Variants in GSKIP observed in about 807,000 individuals in gnomAD.
GSKIP encodes GSK3B interacting protein, also known as GSK3B-interacting protein.
Under a neutral mutation model 11.9 loss-of-function variants are expected in GSKIP, and 5 were observed. The observed-to-expected ratio is 0.42, with a 90% CI of 0.22 to 0.89. The LOEUF (loss-of-function observed/expected upper bound fraction) is 0.89, where lower values mean the gene tolerates loss of function less well. Among genes scored for constraint, GSKIP ranks in the 40% least tolerant of loss-of-function variants. The pLI is 0.29. For missense variants in GSKIP, 150 were observed against 166.6 expected (o/e 0.90, Z 0.55); for synonymous variants, 70 against 62.9 (o/e 1.11, Z -0.54).
intron 2 of GSKIP, 34 bp from the exon 3 acceptor site, chr14:96,382,213 C>T: frequency 1.3e-6 from 2 of 1,488,800 alleles, no homozygotes; most frequent in Non-Finnish European, 1.8e-6. Flanking sequence ...TTTCTATAAA[C>T]AAATTTTATA....
At chr14:96,385,015 A>G (rs995557776) in intron 3 of GSKIP, among the ~76,000 whole-genome samples, 4 of 152,136 alleles carry the variant, frequency 2.6e-5, no homozygotes, top group Non-Finnish European at 5.9e-5. Context: ...TATTAAAACT[A>G]AATTATTAGG....
chr14:96,384,104 A>G (rs1889423019), intron 3 of GSKIP, among the ~76,000 whole-genome samples: 1 of 152,238 alleles, frequency 6.6e-6, no homozygotes, highest in Admixed American at 6.5e-5. Context: ...TGTATGATAC[A>G]GAAAGATCTG....
At chr14:96,378,732 C>G (rs567222273) in intron 1 of GSKIP, among the ~76,000 whole-genome samples, 1 of 152,240 alleles carries the variant, frequency 6.6e-6, no homozygotes, top group African/African-American at 2.4e-5. Context: ...ACCTTTTTAC[C>G]TTCATAGGGC....
intron 2 of GSKIP, among the ~76,000 whole-genome samples, chr14:96,381,599 C>T (rs1168614930): frequency 1.3e-5 from 2 of 152,164 alleles, no homozygotes; most frequent in African/African-American, 4.8e-5. Flanking sequence ...AGATTTATTT[C>T]CATTTCTGCT....
chr14:96,385,790 T>G lies in GSKIP; in HGVS notation c.*106T>G. 1 of 845,844 alleles carries G rather than the reference T, an allele frequency of 1.2e-6. No individual in the cohort carries two copies. Among genetic ancestry groups the G allele is most frequent in the Non-Finnish European group, 1.8e-6 (1 of 556,604 alleles). 52.4% of individuals were successfully genotyped at this position (845,844 alleles called of 1,614,324 possible). On this transcript the variant is annotated 3_prime_UTR_variant, in exon 4 of 4. Coordinates refer to ENST00000555181, the MANE Select transcript of GSKIP (RefSeq NM_016472.5). Reference sequence around the variant, plus strand: ...AAAATGCATCTTTGGTTTTGTGTTTTTATCACTTGCTTCCAACTTAGGCTT... The same window carrying G: ...AAAATGCATCTTTGGTTTTGTGTTTGTATCACTTGCTTCCAACTTAGGCTT...
At chr14:96,370,080 A>G (rs1889002416) in intron 1 of GSKIP, among the ~76,000 whole-genome samples, 1 of 152,182 alleles carries the variant, frequency 6.6e-6, no homozygotes, top group African/African-American at 2.4e-5. Flanking sequence ...TGAAGGTTTA[A>G]TGTCTGCCCT....
intron 1 of GSKIP, among the ~76,000 whole-genome samples, chr14:96,377,619 T>C (rs1177204863): frequency 6.6e-6 from 1 of 152,238 alleles, no homozygotes; most frequent in Admixed American, 6.5e-5. Flanking sequence ...GCTCAAAATA[T>C]TTTTACCTTC....
intron 1 of GSKIP, chr14:96,364,424 C>T (rs1888806461): frequency 6.6e-6 from 1 of 152,164 alleles, no homozygotes; most frequent in African/African-American, 2.4e-5. Context: ...AGGGCACGAA[C>T]CTGAACAGAG....
intron 1 of GSKIP, among the ~76,000 whole-genome samples, chr14:96,374,934 A>C (rs1390045700): frequency 1.3e-5 from 2 of 151,774 alleles, no homozygotes; most frequent in Non-Finnish European, 2.9e-5. Flanking sequence ...ATATAAAAAG[A>C]CTTATCTAAT....
chr14:96,363,740 C>T (rs1444256302), intron 1 of GSKIP, 172 bp downstream of exon 1: 1 of 152,306 alleles, frequency 6.6e-6, no homozygotes, highest in African/African-American at 2.4e-5. Flanking sequence ...TAAGAGGGGT[C>T]TGGGGGCCGG....
At chr14:96,372,456 C>G (rs73365114) in intron 1 of GSKIP, among the ~76,000 whole-genome samples, 123 of 152,332 alleles carry the variant, frequency 8.1e-4, no homozygotes, top group African/African-American at 2.9e-3. Context: ...GATACACAAT[C>G]CTGAAATAGG....
chr14:96,364,231 G>A (rs537121917), intron 1 of GSKIP: 2 of 152,354 alleles, frequency 1.3e-5, no homozygotes, highest in South Asian at 4.1e-4. Context: ...GCCTGGGTGC[G>A]GGTGTTCTAT....
chr14:96,367,693 G>C (rs1595344704), intron 1 of GSKIP, among the ~76,000 whole-genome samples: 1 of 152,296 alleles, frequency 6.6e-6, no homozygotes, highest in East Asian at 1.9e-4. Context: ...AGTAATCAAT[G>C]TCATAATAAC....
intron 1 of GSKIP, among the ~76,000 whole-genome samples, chr14:96,370,689 A>C (rs1244291196): frequency 6.6e-6 from 1 of 152,058 alleles, no homozygotes; most frequent in African/African-American, 2.4e-5. Context: ...ACCCTTTCTG[A>C]CTGTGTGATC....
chr14:96,378,468 A>G (rs539560659), intron 1 of GSKIP, among the ~76,000 whole-genome samples: 1 of 152,370 alleles, frequency 6.6e-6, no homozygotes, highest in East Asian at 1.9e-4. Context: ...GTAAGGAAAC[A>G]GATTCCTTCC....
At chr14:96,381,100 C>T (rs187251901) in intron 2 of GSKIP, among the ~76,000 whole-genome samples, 1 of 152,192 alleles carries the variant, frequency 6.6e-6, no homozygotes, top group Non-Finnish European at 1.5e-5. Flanking sequence ...CAATAGCTCA[C>T]CATAACTTGT....
intron 3 of GSKIP, chr14:96,384,612 A>G (rs1335520603): frequency 6.6e-6 from 1 of 152,076 alleles, no homozygotes; most frequent in African/African-American, 2.4e-5. Context: ...AAAAAAAAAA[A>G]AAGAAAAACA....
At chr14:96,365,410 T>G (rs1395555606) in intron 1 of GSKIP, 2 of 142,594 alleles carry the variant, frequency 1.4e-5, no homozygotes, top group African/African-American at 5.3e-5. Context: ...GGGAGAATGC[T>G]TGATGAATTT....
intron 1 of GSKIP, among the ~76,000 whole-genome samples, chr14:96,367,083 A>G (rs1888907589): frequency 6.6e-6 from 1 of 152,234 alleles, no homozygotes; most frequent in Non-Finnish European, 1.5e-5. Context: ...CTTCAGGGTC[A>G]GGCTTTCTTC....
Sources: gnomAD v4.1 joint callset for allele counts (sites outside exome capture counted in the v4.1 genomes callset) on GRCh38, gnomAD v4.1.1 for gene constraint, MANE v1.5 for transcripts, NCBI Gene and HGNC (gene_info 2026-07-23, HGNC 2026-07-21) for gene names.